UNKL: variants seen among roughly 807,000 people sequenced by gnomAD.
UNKL encodes the protein unk like zinc finger, also known as putative E3 ubiquitin-protein ligase UNKL.
UNKL carries 60 observed loss-of-function variants against 78.0 expected under a neutral mutation model. That is an observed-to-expected ratio of 0.77 (90% CI 0.63 to 0.95). The LOEUF (loss-of-function observed/expected upper bound fraction) is 0.95, where lower values mean the gene tolerates loss of function less well. Ranked by LOEUF, UNKL falls within the 40% of genes least tolerant of loss-of-function variation. The pLI is 0.00. For missense variants in UNKL, 1,159 were observed against 1,045.7 expected (o/e 1.11, Z -1.49); for synonymous variants, 608 against 474.8 (o/e 1.28, Z -3.65).
rs764536679 is a variant in UNKL at position 1,394,174 on chromosome 16, C to G, written c.894G>C (p.Gly298=). ...CACAGAAGGGGCCGCGCGGGCAGTA[C>G]CCGGTTTGGCGCATGTCGTTGCATT... ...STKCNDMRQT[G]YCPRGPFCAF... is the part of the protein sequence containing the mutation. Residue 298 remains glycine (G), a synonymous_variant, in exon 7 of 15, where the codon GGG becomes GGC. Coordinates refer to ENST00000389221, the MANE Select transcript of UNKL (RefSeq NM_001372107.1). The G allele has an allele frequency of 1.3e-6, 2 of 1,550,738 alleles. No homozygotes were observed. The highest frequency in any genetic ancestry group is 2.4e-5 in the South Asian group (2 of 84,062).
chr16:1,414,542 G>C (rs2038194255), intron 1 of UNKL, 73 bp downstream of exon 1: 3 of 567,724 alleles, frequency 5.3e-6, no homozygotes, highest in South Asian at 1.5e-4. Flanking sequence ...GGCGGAGGCG[G>C]CGCGAGCCCC....
At chr16:1,375,163 C>T (rs925030060) in intron 10 of UNKL, among the ~76,000 whole-genome samples, 6 of 152,212 alleles carry the variant, frequency 3.9e-5, no homozygotes, top group South Asian at 2.1e-4. Context: ...CCTCGTGCCG[C>T]GGTGGTGGCC....
At position 1,367,569 on chromosome 16, in the gene UNKL, T is replaced by TC. The variant is rs1555453628; in HGVS notation, c.1788+86dup. 2.9e-3 allele frequency: 578 copies of TC among 201,796 alleles called. 11 individuals carry two copies. In the African/African-American group the frequency reaches 0.045, roughly 16 times the overall value. 12.5% of individuals were successfully genotyped at this position (201,796 alleles called of 1,614,324 possible). On this transcript the variant is annotated intron_variant, in intron 13 of 14. Coordinates refer to ENST00000389221, the MANE Select transcript of UNKL (RefSeq NM_001372107.1). Reference sequence around the variant, plus strand: ...TGAGTCACCTGCGGCCCTCCCTCCCTCCCCTCCCATCTCACCCCCACACGC... The same window carrying TC: ...TGAGTCACCTGCGGCCCTCCCTCCCTCCCCCTCCCATCTCACCCCCACACGC...
In UNKL at chr16:1,397,173, C is replaced by T. The variant is rs1199739382; in HGVS notation, c.852+5G>A. ...CCCTACGCCTGGGGGGTTGGAGGGA[C>T]GTACCTCGGGATGGAACTGCTGCTC... On this transcript the variant is annotated splice_donor_5th_base_variant and intron_variant, in intron 6 of 14. Transcript: ENST00000389221. 25 of 1,547,124 alleles carry T rather than the reference C, an allele frequency of 1.6e-5. No homozygotes were observed. The highest frequency in any genetic ancestry group is 7.0e-6 in the Non-Finnish European group (8 of 1,146,916).
rs1306073782 is a variant in UNKL at position 1,367,773 on chromosome 16, G to A, written c.1671C>T (p.Pro557=). The change falls in exon 13 of 15, where the codon CCC becomes CCT. Residue 557 remains proline, a synonymous_variant. Transcript: ENST00000389221. ...PSPSPILSAG[P]PSSSSASPNG... is the part of the protein sequence containing the mutation. ...TTGGACTTGCACTCGAAGAGGATGG[G>A]GGGCCGGCACTCAGGATGGGGGAGG... The A allele has an allele frequency of 1.3e-6, 2 of 1,573,508 alleles. No individual in the cohort carries two copies. Among genetic ancestry groups the A allele is most frequent in the South Asian group, 2.3e-5 (2 of 85,454 alleles).
chr16:1,389,055 C>A (rs1029164897), intron 9 of UNKL, among the ~76,000 whole-genome samples: 14 of 151,144 alleles, frequency 9.3e-5, no homozygotes, highest in African/African-American at 3.4e-4. Flanking sequence ...CTTGCCCCCT[C>A]CCCCGGCCCC....
intron 10 of UNKL, among the ~76,000 whole-genome samples, chr16:1,384,504 G>C (rs2142086675): frequency 6.6e-6 from 1 of 152,090 alleles, no homozygotes; most frequent in African/African-American, 2.4e-5. Context: ...TGCCAGCCCA[G>C]GTGCTCACAG....
In UNKL at chr16:1,403,457, C is replaced by G. The variant is rs1596758196; in HGVS notation, c.288-113G>C. ...GGCAAGCAGTGAATTCCCTTCCCTT[C>G]TTCCAGATTCCTGTTCTAATCAGAA... On this transcript the variant is annotated intron_variant, in intron 2 of 14. Transcript: ENST00000389221. The surrounding 1 kb of genome is among the most constrained non-coding windows in gnomAD (Gnocchi z 4.8). 1.6e-6 allele frequency: 2 copies of G among 1,263,022 alleles called. No individual in the cohort carries two copies. The highest frequency in any genetic ancestry group is 5.0e-5 in the East Asian group (2 of 39,724). 78.2% of individuals were successfully genotyped at this position (1,263,022 alleles called of 1,614,324 possible).
At chr16:1,408,317 C>G (rs2037867712) in intron 2 of UNKL, 1 of 152,300 alleles carries the variant, frequency 6.6e-6, no homozygotes, top group East Asian at 1.9e-4. Flanking sequence ...ACACGTGACC[C>G]GGGACAGCCA....
In UNKL at chr16:1,365,353, T is replaced by C. The variant is rs532423239; in HGVS notation, c.*887A>G. ...GTCGGATCCCCTCTGCTGCGTTTTTTGTTAGTATCAAACTGTCTTTCAGAG... is the reference window on the plus strand; with the variant it reads ...GTCGGATCCCCTCTGCTGCGTTTTTCGTTAGTATCAAACTGTCTTTCAGAG... On this transcript the variant is annotated 3_prime_UTR_variant, in exon 15 of 15. Transcript: ENST00000389221. 6.6e-6 allele frequency: 1 copy of C among 152,348 alleles called. No homozygotes were observed. The highest frequency in any genetic ancestry group is 2.1e-4 in the South Asian group (1 of 4,828). The allele number at this position is 152,348 out of a possible 1,614,324, so 9.4% of individuals were successfully genotyped here. A position where few individuals can be genotyped will look rare whatever the true frequency, so the allele number is the denominator to read the frequency against.
chr16:1,402,417 T>C (rs1296042156), intron 3 of UNKL, among the ~76,000 whole-genome samples: 3 of 151,900 alleles, frequency 2.0e-5, no homozygotes, highest in African/African-American at 7.3e-5. Flanking sequence ...AATCCCAGAA[T>C]TTCAGGAGGC....
chr16:1,377,971 C>T (rs1344230520), intron 10 of UNKL, among the ~76,000 whole-genome samples: 5 of 152,228 alleles, frequency 3.3e-5, no homozygotes, highest in African/African-American at 9.6e-5. Flanking sequence ...GAATCCTGAC[C>T]TGCAAGAAAG....
rs2034993978 is a variant in UNKL at position 1,363,464 on chromosome 16, C to G, written c.*2776G>C. 3.0e-6 allele frequency: 1 copy of G among 338,724 alleles called. No individual in the cohort carries two copies. Among genetic ancestry groups the G allele is most frequent in the Non-Finnish European group, 5.7e-6 (1 of 174,130 alleles). The allele number at this position is 338,724 out of a possible 1,614,324, so 21.0% of individuals were successfully genotyped here. A position where few individuals can be genotyped will look rare whatever the true frequency, so the allele number is the denominator to read the frequency against. On this transcript the variant is annotated 3_prime_UTR_variant, in exon 15 of 15. Transcript: ENST00000389221. ...TTGAGGCGTCCACGCGGAACAAGGT[C>G]TGCTGACCACAGTTACACACGTCGT...
chr16:1,379,145 T>A (rs1477718880), intron 10 of UNKL: 2 of 152,016 alleles, frequency 1.3e-5, no homozygotes, highest in African/African-American at 4.8e-5. Flanking sequence ...TCCCCCGGGG[T>A]CAGGGACACG....
In UNKL at chr16:1,399,196, C is replaced by T. The variant is rs557929849; in HGVS notation, c.734+178G>A. The T allele has an allele frequency of 1.3e-5, 16 of 1,188,786 alleles. No individual in the cohort carries two copies. The East Asian group carries it at 2.1e-4, about 16-fold the overall frequency. The allele number at this position is 1,188,786 out of a possible 1,614,324, so 73.6% of individuals were successfully genotyped here. A position where few individuals can be genotyped will look rare whatever the true frequency, so the allele number is the denominator to read the frequency against. ...GGGAGGCCCATCCCCAGGACAGACGCGTGGGCCTCCATGGCACCTCCCACA... is the reference window on the plus strand; with the variant it reads ...GGGAGGCCCATCCCCAGGACAGACGTGTGGGCCTCCATGGCACCTCCCACA... On this transcript the variant is annotated intron_variant, in intron 5 of 14. Coordinates refer to ENST00000389221, the MANE Select transcript of UNKL (RefSeq NM_001372107.1). This position sits in a 1 kb window ranked among gnomAD's most constrained non-coding sequence, Gnocchi z 5.8.
chr16:1,371,470 G>T, intron 11 of UNKL, 49 bp downstream of exon 11: 1 of 1,517,954 alleles, frequency 6.6e-7, no homozygotes, highest in African/African-American at 1.4e-5. Context: ...ACAGCACTTG[G>T]CTGTTCAGCG....
In UNKL at chr16:1,366,403, G is replaced by C; in HGVS notation, c.2047-8C>G. ...GCGGAGCTGGAAGATCACCTGCAGGGCCAGAACAATGACGGGCTCAGGAGG... is the reference window on the plus strand; with the variant it reads ...GCGGAGCTGGAAGATCACCTGCAGGCCCAGAACAATGACGGGCTCAGGAGG... On this transcript the variant is annotated splice_polypyrimidine_tract_variant and splice_region_variant and intron_variant, in intron 14 of 14. Coordinates refer to ENST00000389221, the MANE Select transcript of UNKL (RefSeq NM_001372107.1). The C allele has an allele frequency of 6.3e-7, 1 of 1,576,642 alleles. No individual in the cohort carries two copies.
At chr16:1,377,185 G>A (rs572207821) in intron 10 of UNKL, among the ~76,000 whole-genome samples, 4 of 152,276 alleles carry the variant, frequency 2.6e-5, no homozygotes, top group Admixed American at 2.0e-4. Flanking sequence ...ACCACCCCCA[G>A]CTAATTTTGC....
Position 1,399,078 on chromosome 16 carries a change from G to A in UNKL, c.734+296C>T. ...ACGGGTGGGGCACACGGGGGTCCCA[G>A]CTGGGCTTGGGGTCCCTCCTGCAGT... On this transcript the variant is annotated intron_variant, in intron 5 of 14. Coordinates refer to ENST00000389221, the MANE Select transcript of UNKL (RefSeq NM_001372107.1). The surrounding 1 kb of genome is among the most constrained non-coding windows in gnomAD (Gnocchi z 5.8). The A allele has an allele frequency of 2.3e-6, 3 of 1,332,630 alleles. No homozygotes were observed. The highest frequency in any genetic ancestry group is 3.0e-6 in the Non-Finnish European group (3 of 1,006,246). The allele number at this position is 1,332,630 out of a possible 1,614,324, so 82.6% of individuals were successfully genotyped here.
Sources: allele counts gnomAD v4.1 joint callset (sites outside exome capture counted in the v4.1 genomes callset), GRCh38; gene constraint gnomAD v4.1.1; non-coding constraint Gnocchi (gnomAD v3.1); transcripts MANE v1.5; gene names NCBI Gene and HGNC (gene_info 2026-07-23, HGNC 2026-07-21).